SP1: variants seen among roughly 807,000 people sequenced by gnomAD.
SP1 encodes Sp1 transcription factor.
In SP1, 6 loss-of-function variants were observed where a neutral mutation model predicts 66.3. That is an observed-to-expected ratio of 0.09 (90% CI 0.05 to 0.18). The LOEUF (loss-of-function observed/expected upper bound fraction) is 0.18. Among genes scored for constraint, SP1 ranks in the 10% least tolerant of loss-of-function variants. SP1 has a pLI of 1.00. For missense variants in SP1, 848 were observed against 964.5 expected, an observed-to-expected ratio of 0.88 and a Z score of 1.60; for synonymous variants, 417 against 360.8, an observed-to-expected ratio of 1.16 and a Z score of -1.77.
intron 3 of SP1, 45 bp from the exon 4 acceptor site, chr12:53,406,540 A>G (rs750693270): frequency 1.3e-6 from 2 of 1,572,184 alleles, no homozygotes; most frequent in South Asian, 1.1e-5. Context: ...TGCCAGTGAT[A>G]ACCTGCCCAT....
intron 3 of SP1, among the ~76,000 whole-genome samples, chr12:53,389,214 ATCT>A (rs1301974294): frequency 8.3e-6 from 1 of 120,624 alleles, no homozygotes; most frequent in Non-Finnish European, 1.8e-5. Flanking sequence ...TTTTAAAATG[ATCT>A]TTTTTTTTTT....
intron 4 of SP1, 26 bp downstream of exon 4, chr12:53,406,779 CA>C: frequency 6.4e-7 from 1 of 1,566,866 alleles, no homozygotes; most frequent in Non-Finnish European, 8.7e-7. Flanking sequence ...CAGTTTCTTA[CA>C]AATATAAAGA....
At chr12:53,407,629 AATTT>A (rs200650190) in intron 4 of SP1, among the ~76,000 whole-genome samples, 25,172 of 144,638 alleles carry the variant, frequency 0.17, 2,183 homozygotes, top group Admixed American at 0.2. Context: ...TGGCCAAAAA[AATTT>A]ATTTATTTAT....
At chr12:53,394,409 C>CTTTTTT (rs59816754) in intron 3 of SP1, among the ~76,000 whole-genome samples, 22 of 114,878 alleles carry the variant, frequency 1.9e-4, no homozygotes, top group South Asian at 5.2e-4. Context: ...TTAAAAGTAT[C>CTTTTTT]TTTTTTTTTT....
At position 53,406,682 on chromosome 12, in the gene SP1, C is replaced by T; in HGVS notation, c.1773C>T (p.Ala591=). The T allele has an allele frequency of 6.2e-7, 1 of 1,614,112 alleles. No individual in the cohort carries two copies. Among genetic ancestry groups the T allele is most frequent in the Non-Finnish European group, 8.5e-7 (1 of 1,180,030 alleles). The stretch of plus-strand genomic sequence containing the variant: ...AGGAAGGAGAAAACAGCCCAGATGC[C>T]CAACCCCAAGCCGGTCGGAGGACCC... ...GGEEGENSPD[A]QPQAGRRTRR... Residue 591 remains alanine, a synonymous_variant, in exon 4 of 6, where the codon GCC becomes GCT. Coordinates refer to ENST00000327443, the MANE Select transcript of SP1 (RefSeq NM_138473.3).
chr12:53,382,546 G>C lies in SP1; in HGVS notation c.599G>C (p.Gly200Ala), dbSNP rs1413008210. Residue 200 changes from glycine to alanine, a missense_variant, in exon 3 of 6, where the codon GGT (glycine) becomes GCT (alanine). Physicochemically the swap from Gly to Ala is moderately conservative, Grantham distance 60. Coordinates refer to ENST00000327443, the MANE Select transcript of SP1 (RefSeq NM_138473.3). ...AATGAQVQQD[G>A]SGQIQIIPGA... ...ACTGGGGCCCAAGTGCAGCAGGATGGTTCTGGTCAAATACAGATCATACCA... is the reference window on the plus strand; with the variant it reads ...ACTGGGGCCCAAGTGCAGCAGGATGCTTCTGGTCAAATACAGATCATACCA... 6.2e-7 allele frequency: 1 copy of C among 1,614,176 alleles called. No individual in the cohort carries two copies. Among genetic ancestry groups the C allele is most frequent in the East Asian group, 2.2e-5 (1 of 44,892 alleles).
intron 3 of SP1, among the ~76,000 whole-genome samples, chr12:53,384,925 C>T (rs772620459): frequency 6.6e-6 from 1 of 151,090 alleles, no homozygotes; most frequent in African/African-American, 2.4e-5. Context: ...GCAGAGGTTG[C>T]AGTGAGCCAA....
In SP1 at chr12:53,382,274, C is replaced by T; in HGVS notation, c.327C>T (p.Ile109=). 2 of 1,614,182 alleles carry T rather than the reference C, an allele frequency of 1.2e-6. No homozygotes were observed. Residue 109 remains isoleucine (I), a synonymous_variant, in exon 3 of 6, where the codon ATC becomes ATT. Transcript: ENST00000327443. ...QLSQGANGWQ[I]ISSSSGATPT... ...CACAGGGTGCCAATGGCTGGCAGAT[C>T]ATCTCTTCCTCCTCTGGGGCTACCC...
At position 53,406,612 on chromosome 12, in the gene SP1, A is replaced by C. The variant is rs768124118; in HGVS notation, c.1703A>C (p.His568Pro). 1.7e-5 allele frequency: 27 copies of C among 1,613,896 alleles called. No homozygotes were observed. The highest frequency in any genetic ancestry group is 1.0e-4 in the Admixed American group (6 of 59,982). The change falls in exon 4 of 6, where the codon CAT (histidine) becomes CCT (proline). Residue 568 changes from histidine to proline, a missense_variant. Transcript: ENST00000327443. ...PGDHGAQLGL[H>P]GAGGDGIHDD... is the part of the protein sequence containing the mutation. Reference sequence around the variant, plus strand: ...GATCATGGAGCTCAGCTTGGTCTCCATGGGGCTGGTGGTGATGGAATACAT... The same window carrying C: ...GATCATGGAGCTCAGCTTGGTCTCCCTGGGGCTGGTGGTGATGGAATACAT...
At chr12:53,392,247 C>A (rs918343189) in intron 3 of SP1, among the ~76,000 whole-genome samples, 1 of 151,838 alleles carries the variant, frequency 6.6e-6, no homozygotes, top group African/African-American at 2.4e-5. Flanking sequence ...GTGGCGTGAT[C>A]TCGGCTCACT....
chr12:53,388,863 C>G (rs1031154352), intron 3 of SP1, among the ~76,000 whole-genome samples: 5 of 151,614 alleles, frequency 3.3e-5, no homozygotes, highest in Non-Finnish European at 5.9e-5. Context: ...GCCTATAGTC[C>G]CAGCTACTTG....
rs1938048337 is a variant in SP1 at position 53,380,210 on chromosome 12, C to T, written c.-82C>T. On this transcript the variant is annotated 5_prime_UTR_variant, in exon 1 of 6. Transcript: ENST00000327443. The stretch of plus-strand genomic sequence containing the variant: ...TCCCTGTCCGGTCCGGGTTCGCTTG[C>T]CTCGTCAGCGTCCGCGTTTTTCCCG... The T allele has an allele frequency of 2.9e-6, 3 of 1,044,226 alleles. No homozygotes were observed. Among genetic ancestry groups the T allele is most frequent in the Middle Eastern group, 2.1e-4 (1 of 4,690 alleles). 64.7% of individuals were successfully genotyped at this position (1,044,226 alleles called of 1,614,324 possible).
At chr12:53,396,509 G>A (rs186412118) in intron 3 of SP1, among the ~76,000 whole-genome samples, 4 of 149,090 alleles carry the variant, frequency 2.7e-5, no homozygotes, top group African/African-American at 9.9e-5. Flanking sequence ...CGGAGCTGGC[G>A]GTTAGCCGAG....
intron 3 of SP1, among the ~76,000 whole-genome samples, chr12:53,389,471 A>G (rs1053004323): frequency 1.3e-4 from 19 of 151,800 alleles, no homozygotes; most frequent in African/African-American, 4.4e-4. Flanking sequence ...GGCCTCCCAA[A>G]GTGCTGGGAT....
At chr12:53,390,764 A>G (rs1938330466) in intron 3 of SP1, among the ~76,000 whole-genome samples, 1 of 152,092 alleles carries the variant, frequency 6.6e-6, no homozygotes, top group Non-Finnish European at 1.5e-5. Flanking sequence ...CATTGCTCCT[A>G]TTTATTCATT....
At chr12:53,403,869 G>A (rs935231921) in intron 3 of SP1, among the ~76,000 whole-genome samples, 7 of 151,670 alleles carry the variant, frequency 4.6e-5, no homozygotes, top group East Asian at 2.0e-4. Flanking sequence ...GGTGAGACCC[G>A]GTCTCCTTAA....
rs756254855 is a variant in SP1 at position 53,383,528 on chromosome 12, A to G, written c.1581A>G (p.Pro527=). 5 of 1,614,162 alleles carry G rather than the reference A, an allele frequency of 3.1e-6. No individual in the cohort carries two copies. The highest frequency in any genetic ancestry group is 2.2e-5 in the East Asian group (1 of 44,888). The part of the protein sequence containing the change: ...TVNAAQLSSM[P]GLQTINLSAL... ...ATGCTGCTCAACTCTCCTCCATGCCAGGCCTCCAGACCATTAACCTCAGTG... is the reference window on the plus strand; with the variant it reads ...ATGCTGCTCAACTCTCCTCCATGCCGGGCCTCCAGACCATTAACCTCAGTG... Residue 527 remains proline (P), a synonymous_variant, in exon 3 of 6, where the codon CCA becomes CCG. Transcript: ENST00000327443.
At chr12:53,385,033 G>T (rs1301937913) in intron 3 of SP1, among the ~76,000 whole-genome samples, 1 of 151,384 alleles carries the variant, frequency 6.6e-6, no homozygotes, top group Non-Finnish European at 1.5e-5. Flanking sequence ...GGTGGCTCAC[G>T]CCTGTAATCC....
In SP1 at chr12:53,380,211, C is replaced by T. The variant is rs1592551858; in HGVS notation, c.-81C>T. The T allele has an allele frequency of 2.7e-6, 3 of 1,099,182 alleles. No individual in the cohort carries two copies. Among genetic ancestry groups the T allele is most frequent in the Non-Finnish European group, 4.2e-6 (3 of 722,448 alleles). 68.1% of individuals were successfully genotyped at this position (1,099,182 alleles called of 1,614,324 possible). ...CCCTGTCCGGTCCGGGTTCGCTTGCCTCGTCAGCGTCCGCGTTTTTCCCGG... is the reference window on the plus strand; with the variant it reads ...CCCTGTCCGGTCCGGGTTCGCTTGCTTCGTCAGCGTCCGCGTTTTTCCCGG... On this transcript the variant is annotated 5_prime_UTR_variant, in exon 1 of 6. Transcript: ENST00000327443.
Sources: allele counts gnomAD v4.1 joint callset (sites outside exome capture counted in the v4.1 genomes callset), GRCh38; gene constraint gnomAD v4.1.1; transcripts MANE v1.5; gene names NCBI Gene and HGNC (gene_info 2026-07-23, HGNC 2026-07-21).